The following COL4A1 variants were observed in gnomAD, a reference collection of about 807,000 sequenced individuals.
COL4A1 encodes the protein collagen type IV alpha 1 chain, also known as collagen alpha-1(IV) chain.
COL4A1 carries 40 observed loss-of-function variants against 216.6 expected under a neutral mutation model. That is an observed-to-expected ratio of 0.18 (90% CI 0.14 to 0.24). COL4A1 has a LOEUF of 0.24. Ranked by LOEUF, COL4A1 falls within the 10% of genes least tolerant of loss-of-function variation. The probability of loss-of-function intolerance (pLI) is 1.00; values close to 1 mark genes in which losing one functional copy is unlikely to be tolerated. For synonymous variants in COL4A1, 839 were observed against 810.7 expected (o/e 1.03, Z -0.59); for missense variants, 1,628 against 2,196.8 (o/e 0.74, Z 5.18).
intron 1 of COL4A1, among the ~76,000 whole-genome samples, chr13:110,253,701 CGT>C (rs1882360707): frequency 8.4e-6 from 1 of 118,434 alleles, no homozygotes; most frequent in South Asian, 2.8e-4. Context: ...TATAATTATA[CGT>C]ATGTATTACA....
At chr13:110,267,946 G>A (rs1883104618) in intron 1 of COL4A1, among the ~76,000 whole-genome samples, 1 of 151,972 alleles carries the variant, frequency 6.6e-6, no homozygotes, top group African/African-American at 2.4e-5. Flanking sequence ...CCTATACAGA[G>A]CTGCACATCT....
chr13:110,301,484 A>G (rs548225836), intron 1 of COL4A1, among the ~76,000 whole-genome samples: 1 of 152,334 alleles, frequency 6.6e-6, no homozygotes, highest in East Asian at 1.9e-4. Flanking sequence ...CTCCCTAGAC[A>G]TGGCGACTAC....
chr13:110,210,355 A>C, intron 8 of COL4A1, 143 bp from the exon 9 acceptor site: 4 of 788,274 alleles, frequency 5.1e-6, no homozygotes. Context: ...ACTGGAAATC[A>C]ATAGCCTGGC....
In COL4A1 at chr13:110,219,848, A is replaced by G. The variant is rs542634179; in HGVS notation, c.145-5833T>C. On this transcript the variant is annotated intron_variant, in intron 2 of 51. Transcript: ENST00000375820. The stretch of plus-strand genomic sequence containing the variant: ...TATATGTATGTATGTATATATGTGT[A>G]TATATATGTATATATGTGTGTGTAT... Among the ~76,000 whole-genome samples, 52 of 74,762 alleles carry G rather than the reference A, an allele frequency of 7.0e-4. No individual in the cohort carries two copies. The East Asian group carries it at 0.023, about 33-fold the overall frequency. 49.0% of individuals were successfully genotyped at this position (74,762 alleles called of 152,430 possible).
rs371896266 is a variant in COL4A1 at position 110,178,089 on chromosome 13, C to T, written c.2601G>A (p.Gly867=). 1.3e-5 allele frequency: 21 copies of T among 1,614,046 alleles called. No individual in the cohort carries two copies. Among genetic ancestry groups the T allele is most frequent in the Non-Finnish European group, 4.2e-6 (5 of 1,180,040 alleles). The change falls in exon 32 of 52, where the codon GGG becomes GGA. Residue 867 remains glycine (G), a synonymous_variant. Transcript: ENST00000375820. ...CTGGAAACCCAGGAATCCCAGGAGC[C>T]CCCTGCTGTCCAGGAAGGCCAGGGA... ...SGLPGLPGQQ[G]APGIPGFPGS...
At chr13:110,285,238 C>T (rs986406904) in intron 1 of COL4A1, among the ~76,000 whole-genome samples, 1 of 152,208 alleles carries the variant, frequency 6.6e-6, no homozygotes, top group African/African-American at 2.4e-5. Context: ...TGGAAATGCA[C>T]ATTCCAAAAA....
rs148142463 is a variant in COL4A1 at position 110,215,358 on chromosome 13, G to A, written c.145-1343C>T. Among the ~76,000 whole-genome samples, 1,395 of 152,214 alleles carry A rather than the reference G, an allele frequency of 9.2e-3. 21 individuals are homozygous for A. Among genetic ancestry groups the A allele is most frequent in the African/African-American group, 0.032 (1,331 of 41,532 alleles). On this transcript the variant is annotated intron_variant, in intron 2 of 51. Coordinates refer to ENST00000375820, the MANE Select transcript of COL4A1 (RefSeq NM_001845.6). ...GCAGATCACCAGAGGTCAGGAGTTCGAGACCAGCCTGGCCAACATGGCAAA... is the reference window on the plus strand; with the variant it reads ...GCAGATCACCAGAGGTCAGGAGTTCAAGACCAGCCTGGCCAACATGGCAAA...
chr13:110,201,163 T>C (rs551026969), intron 19 of COL4A1, among the ~76,000 whole-genome samples: 16 of 150,298 alleles, frequency 1.1e-4, no homozygotes, highest in Admixed American at 2.7e-4. Context: ...CTGCAGATGC[T>C]TCCAAAATAT....
chr13:110,272,578 A>T (rs962708854), intron 1 of COL4A1, among the ~76,000 whole-genome samples: 7 of 152,066 alleles, frequency 4.6e-5, no homozygotes, highest in Non-Finnish European at 8.8e-5. Flanking sequence ...CTCTAAAAGA[A>T]AAGGGGGGGA....
intron 1 of COL4A1, among the ~76,000 whole-genome samples, chr13:110,269,915 G>C (rs1883184767): frequency 6.6e-6 from 1 of 152,130 alleles, no homozygotes; most frequent in African/African-American, 2.4e-5. Context: ...TCAGCAGGAG[G>C]CTGGCACTGC....
At chr13:110,296,173 A>G (rs999047456) in intron 1 of COL4A1, among the ~76,000 whole-genome samples, 3 of 152,248 alleles carry the variant, frequency 2.0e-5, no homozygotes, top group African/African-American at 7.2e-5. Context: ...AAGTGAAGCT[A>G]CGGAGATTCT....
chr13:110,286,996 G>A (rs1883868517), intron 1 of COL4A1, among the ~76,000 whole-genome samples: 1 of 152,220 alleles, frequency 6.6e-6, no homozygotes. Context: ...AAATTCAGGA[G>A]TGGCATTTGG....
intron 1 of COL4A1, among the ~76,000 whole-genome samples, chr13:110,243,432 C>T (rs1346572874): frequency 2.0e-5 from 3 of 152,178 alleles, no homozygotes; most frequent in Non-Finnish European, 4.4e-5. Context: ...ATTCTCCTTC[C>T]TCAGCATCCC....
At chr13:110,197,182 A>C (rs1378036988) in intron 21 of COL4A1, among the ~76,000 whole-genome samples, 3 of 151,194 alleles carry the variant, frequency 2.0e-5, no homozygotes, top group African/African-American at 7.3e-5. Flanking sequence ...TTTGTAAATC[A>C]CTCTGCTTAA....
chr13:110,284,616 AAC>A (rs1404443424), intron 1 of COL4A1, among the ~76,000 whole-genome samples: 8 of 152,224 alleles, frequency 5.3e-5, no homozygotes. Flanking sequence ...CTAACTTCCT[AAC>A]ACAGATAGAG....
intron 2 of COL4A1, among the ~76,000 whole-genome samples, chr13:110,224,081 A>C (rs372482145): frequency 6.6e-6 from 1 of 152,182 alleles, no homozygotes; most frequent in African/African-American, 2.4e-5. Context: ...AATGCTTCCA[A>C]CTTGAGCTCC....
intron 1 of COL4A1, among the ~76,000 whole-genome samples, chr13:110,247,821 G>GTGTGTA (rs1881891003): frequency 7.5e-6 from 1 of 132,622 alleles, no homozygotes; most frequent in Non-Finnish European, 1.6e-5. Context: ...GTGTGTGTGT[G>GTGTGTA]TGTGTGTGTG....
At chr13:110,180,712 G>A (rs1489576138) in intron 29 of COL4A1, among the ~76,000 whole-genome samples, 2 of 152,238 alleles carry the variant, frequency 1.3e-5, no homozygotes, top group African/African-American at 4.8e-5. Context: ...ACTTCACCCT[G>A]TACCAACAGT....
intron 2 of COL4A1, among the ~76,000 whole-genome samples, chr13:110,221,365 A>C (rs1429471233): frequency 6.6e-6 from 1 of 152,244 alleles, no homozygotes; most frequent in Non-Finnish European, 1.5e-5. Flanking sequence ...TTCAGAAAAT[A>C]CTTTCTAAAG....
Sources: gnomAD v4.1 joint callset for allele counts (sites outside exome capture counted in the v4.1 genomes callset) on GRCh38, gnomAD v4.1.1 for gene constraint, MANE v1.5 for transcripts, NCBI Gene and HGNC (gene_info 2026-07-23, HGNC 2026-07-21) for gene names.